STAT5B: variants seen among roughly 807,000 people sequenced by gnomAD.
The protein encoded by STAT5B is signal transducer and activator of transcription 5B, also known as transcription factor STAT5B.
In STAT5B, 21 loss-of-function variants were observed where a neutral mutation model predicts 107.8. The observed-to-expected ratio is 0.19, with a 90% confidence interval of 0.14 to 0.28. STAT5B has a LOEUF of 0.28. Ranked by LOEUF, STAT5B falls within the 10% of genes least tolerant of loss-of-function variation. The pLI is 1.00. For missense variants in STAT5B, 565 were observed against 1,008.2 expected, an observed-to-expected ratio of 0.56 and a Z score of 5.95; for synonymous variants, 325 against 401.7, an observed-to-expected ratio of 0.81 and a Z score of 2.28.
chr17:42,213,182 C>CA (rs2080143186), intron 12 of STAT5B, among the ~76,000 whole-genome samples: 1 of 152,092 alleles, frequency 6.6e-6, no homozygotes, highest in South Asian at 2.1e-4. Flanking sequence ...GACACATAGG[C>CA]AAATATATAT....
At chr17:42,203,119 T>A (rs527900920) in intron 16 of STAT5B, among the ~76,000 whole-genome samples, 4 of 152,060 alleles carry the variant, frequency 2.6e-5, no homozygotes, top group Non-Finnish European at 2.9e-5. Flanking sequence ...TTTTGTATTT[T>A]TAGTAGAGAT....
intron 1 of STAT5B, among the ~76,000 whole-genome samples, chr17:42,245,762 G>C (rs2080446704): frequency 6.6e-6 from 1 of 151,910 alleles, no homozygotes; most frequent in Non-Finnish European, 1.5e-5. Flanking sequence ...GACCTCGGGT[G>C]ATCTGCCCAC....
chr17:42,225,258 T>C (rs2080263717), intron 3 of STAT5B, among the ~76,000 whole-genome samples: 1 of 152,162 alleles, frequency 6.6e-6, no homozygotes, highest in East Asian at 1.9e-4. Flanking sequence ...TTCCACCATG[T>C]TGGCCAGGCT....
At chr17:42,236,585 G>A (rs1349229653) in intron 1 of STAT5B, among the ~76,000 whole-genome samples, 7 of 152,120 alleles carry the variant, frequency 4.6e-5, no homozygotes, top group African/African-American at 1.4e-4. Flanking sequence ...GGGACTACAG[G>A]CACTCACCAC....
chr17:42,239,924 G>A (rs1384677491), intron 1 of STAT5B, among the ~76,000 whole-genome samples: 6 of 152,138 alleles, frequency 3.9e-5, no homozygotes, highest in South Asian at 2.1e-4. Context: ...TCAGGAGCTC[G>A]AGACCAGCCT....
chr17:42,262,866 GTGTGTGTATATATACACATATATA>G (rs1173958849), intron 1 of STAT5B, among the ~76,000 whole-genome samples: 1 of 101,636 alleles, frequency 9.8e-6, no homozygotes, highest in Non-Finnish European at 2.0e-5. Context: ...ACACATATAT[GTGTGTGTATATATACACATATATA>G]TGTGTGTATA....
the STAT5B span, among the ~76,000 whole-genome samples, chr17:42,284,812 T>C: frequency 6.6e-6 from 1 of 152,244 alleles, no homozygotes; most frequent in Non-Finnish European, 1.5e-5. Flanking sequence ...GCCCGGCAAC[T>C]TGGATCCTGG....
intron 1 of STAT5B, among the ~76,000 whole-genome samples, chr17:42,249,081 A>G (rs1349853921): frequency 1.3e-5 from 2 of 152,230 alleles, no homozygotes; most frequent in African/African-American, 2.4e-5. Flanking sequence ...ACCAATGTCC[A>G]GAAGTCTCCA....
At chr17:42,232,359 C>T (rs1175739827) in intron 1 of STAT5B, among the ~76,000 whole-genome samples, 1 of 152,112 alleles carries the variant, frequency 6.6e-6, no homozygotes. Context: ...AATGATTCTC[C>T]TGTCTCAGCC....
rs1441130782 is a variant in STAT5B at position 42,200,366 on chromosome 17, C to T, written c.*1372G>A. ...CGTAAGCTATTTTAATACACCTGCT[C>T]ACCCCCCTCTTCCTCCACTACCTGC... On this transcript the variant is annotated 3_prime_UTR_variant, in exon 19 of 19. Coordinates refer to ENST00000293328, the MANE Select transcript of STAT5B (RefSeq NM_012448.4). 1 of 152,578 alleles carries T rather than the reference C, an allele frequency of 6.6e-6. No individual in the cohort carries two copies. Among genetic ancestry groups the T allele is most frequent in the African/African-American group, 2.4e-5 (1 of 41,432 alleles). The allele number at this position is 152,578 out of a possible 1,614,324, so 9.5% of individuals were successfully genotyped here.
chr17:42,210,289 C>T lies in STAT5B; in HGVS notation c.1788G>A (p.Gly596=), dbSNP rs919883933. 1.2e-6 allele frequency: 2 copies of T among 1,614,006 alleles called. No individual in the cohort carries two copies. Among genetic ancestry groups the T allele is most frequent in the African/African-American group, 2.7e-5 (2 of 74,894 alleles). ...CATGGGCCTGTTGCTTGTTTACAAA[C>T]CCCAAAATGGCCCTGGATCACCAAG... ...KPHWNDGAIL[G]FVNKQQAHDL... is the part of the protein sequence containing the mutation. The change falls in exon 15 of 19, where the codon GGG becomes GGA. Residue 596 remains glycine, a synonymous_variant. Transcript: ENST00000293328.
intron 1 of STAT5B, among the ~76,000 whole-genome samples, chr17:42,244,270 T>G (rs113494812): frequency 1.3e-5 from 2 of 150,844 alleles, no homozygotes; most frequent in African/African-American, 4.9e-5. Flanking sequence ...TTTTTTTTTT[T>G]TTTAGAGATG....
intron 1 of STAT5B, among the ~76,000 whole-genome samples, chr17:42,232,834 CAG>C (rs1222155054): frequency 8.7e-5 from 13 of 150,216 alleles, no homozygotes; most frequent in Middle Eastern, 3.5e-3. Flanking sequence ...AAATAATTAG[CAG>C]AGAGTTTTTT....
At chr17:42,261,928 G>A (rs544203920) in intron 1 of STAT5B, among the ~76,000 whole-genome samples, 6 of 151,908 alleles carry the variant, frequency 3.9e-5, no homozygotes, top group East Asian at 1.9e-4. Flanking sequence ...TCGAACTCCC[G>A]GCCTCAAGCA....
intron 1 of STAT5B, among the ~76,000 whole-genome samples, chr17:42,246,744 G>A (rs1260774824): frequency 6.6e-6 from 1 of 152,132 alleles, no homozygotes; most frequent in Admixed American, 6.6e-5. Flanking sequence ...CTATGATCAC[G>A]CCGCTATGCT....
chr17:42,259,157 GTTTAT>G (rs906979456), intron 1 of STAT5B, among the ~76,000 whole-genome samples: 13 of 152,276 alleles, frequency 8.5e-5, no homozygotes, highest in Non-Finnish European at 1.6e-4. Context: ...AGGGTGGGCT[GTTTAT>G]TTTTATTCAG....
rs368894693 is a variant in STAT5B, at chr17:42,267,400, C to A, written c.-11+8848G>T. Among the ~76,000 whole-genome samples, 5 of 152,254 alleles carry A rather than the reference C, an allele frequency of 3.3e-5. No homozygotes were observed. The East Asian group carries it at 9.6e-4, about 29-fold the overall frequency. The stretch of plus-strand genomic sequence containing the variant: ...TGCCCCTGAAGACCTTTCAGTGGAA[C>A]AAGATGTGGAGGTGCAAGACAGTGA... On this transcript the variant is annotated intron_variant, in intron 1 of 18. Transcript: ENST00000293328.
chr17:42,272,252 C>T (rs1447695868), intron 1 of STAT5B: 1 of 152,148 alleles, frequency 6.6e-6, no homozygotes, highest in Admixed American at 6.5e-5. Context: ...TCACCTTGTT[C>T]TTAACTCTTT....
At chr17:42,272,046 G>C (rs1039152700) in intron 1 of STAT5B, 1 of 152,088 alleles carries the variant, frequency 6.6e-6, no homozygotes, top group Non-Finnish European at 1.5e-5. Context: ...TTAGCATAAA[G>C]CGAGTTAAAG....
Sources: allele counts gnomAD v4.1 joint callset (sites outside exome capture counted in the v4.1 genomes callset), GRCh38; gene constraint gnomAD v4.1.1; transcripts MANE v1.5; gene names NCBI Gene and HGNC (gene_info 2026-07-23, HGNC 2026-07-21).